Variants in IMMP2L observed in about 807,000 individuals in gnomAD.
The protein encoded by IMMP2L is mitochondrial inner membrane protease subunit 2.
IMMP2L carries 18 observed loss-of-function variants against 19.3 expected under a neutral mutation model. The ratio of observed to expected loss-of-function variants is 0.93; its 90% CI spans 0.64 to 1.38. The LOEUF (loss-of-function observed/expected upper bound fraction) is 1.38, where lower values mean the gene tolerates loss of function less well. Ranked by LOEUF, IMMP2L falls within the 40% of genes most tolerant of loss-of-function variation. IMMP2L has a pLI of 0.00. For synonymous variants in IMMP2L, 76 were observed against 73.0 expected (o/e 1.04, Z -0.21); for missense variants, 233 against 218.2 (o/e 1.07, Z -0.43).
intron 3 of IMMP2L, among the ~76,000 whole-genome samples, chr7:111,110,616 GTATAAATATCAAACA>G (rs1799090369): frequency 6.6e-6 from 1 of 152,018 alleles, no homozygotes; most frequent in South Asian, 2.1e-4. Context: ...AAAAACATAA[GTATAAATATCAAACA>G]TATAAGTATA....
intron 3 of IMMP2L, among the ~76,000 whole-genome samples, chr7:111,160,985 A>G (rs994845064): frequency 9.2e-5 from 14 of 151,654 alleles, no homozygotes; most frequent in Non-Finnish European, 1.9e-4. Flanking sequence ...CAATAAGTTG[A>G]AAAAATGTCA....
intron 5 of IMMP2L, among the ~76,000 whole-genome samples, chr7:110,698,836 A>C (rs1794063197): frequency 6.6e-6 from 1 of 152,236 alleles, no homozygotes; most frequent in African/African-American, 2.4e-5. Flanking sequence ...TAAATATTAA[A>C]GTACAGAAAG....
intron 4 of IMMP2L, among the ~76,000 whole-genome samples, chr7:110,930,252 T>C (rs1815320249): frequency 1.3e-5 from 2 of 152,172 alleles, no homozygotes; most frequent in Non-Finnish European, 2.9e-5. Context: ...CACCAAGTTA[T>C]TCCACCAAGG....
intron 5 of IMMP2L, among the ~76,000 whole-genome samples, chr7:110,809,860 A>C (rs1801903831): frequency 1.3e-5 from 2 of 152,054 alleles, no homozygotes; most frequent in African/African-American, 4.8e-5. Context: ...ATAATCTAAG[A>C]ATATAAAATA....
At position 111,010,197 on chromosome 7, in the gene IMMP2L, T is replaced by G. The variant is rs149305774; in HGVS notation, c.240-46632A>C. ...TTGGCATATCATTCTGCTTCCTTTC[T>G]TAGTTATATCTCATTTCTAATACAT... On this transcript the variant is annotated intron_variant, in intron 3 of 5. Transcript: ENST00000405709. 3.3e-5 allele frequency among the ~76,000 whole-genome samples: 5 copies of G among 152,300 alleles called. No homozygotes were observed. In the East Asian group the frequency reaches 9.6e-4, roughly 29 times the overall value.
intron 3 of IMMP2L, among the ~76,000 whole-genome samples, chr7:111,066,099 C>T (rs1203277196): frequency 1.3e-5 from 2 of 151,704 alleles, no homozygotes; most frequent in Admixed American, 1.3e-4. Context: ...CTACCGCAGC[C>T]TCCTGAATAG....
chr7:110,815,697 G>A (rs929025017), intron 5 of IMMP2L, among the ~76,000 whole-genome samples: 8 of 152,078 alleles, frequency 5.3e-5, no homozygotes, highest in Non-Finnish European at 1.2e-4. Context: ...AGTCTTGGGA[G>A]GGTGTATGTG....
At chr7:111,204,687 T>G (rs890925890) in intron 3 of IMMP2L, among the ~76,000 whole-genome samples, 1 of 152,190 alleles carries the variant, frequency 6.6e-6, no homozygotes, top group African/African-American at 2.4e-5. Flanking sequence ...TTGAGTACTT[T>G]CATATAAGAA....
At chr7:111,372,566 G>A (rs11980148) in intron 3 of IMMP2L, among the ~76,000 whole-genome samples, 3,281 of 151,918 alleles carry the variant, frequency 0.022, 123 homozygotes, top group African/African-American at 0.075. Flanking sequence ...CTGACTGCCT[G>A]TAAACATTCA....
At position 111,492,774 on chromosome 7, in the gene IMMP2L, T is replaced by C. The variant is rs564994987; in HGVS notation, c.136-5433A>G. Among the ~76,000 whole-genome samples the C allele has an allele frequency of 9.2e-5, 14 of 152,330 alleles. 1 individual carries two copies. The highest frequency in any genetic ancestry group is 3.1e-4 in the African/African-American group (13 of 41,590). On this transcript the variant is annotated intron_variant, in intron 2 of 5. Transcript: ENST00000405709. ...TAACTTCCAATAGTGAAGTAAGTAT[T>C]AGAATCAACAGTCAACACCTGAATG...
intron 2 of IMMP2L, among the ~76,000 whole-genome samples, chr7:111,490,960 C>T (rs1471929146): frequency 1.3e-5 from 2 of 151,974 alleles, no homozygotes; most frequent in East Asian, 1.9e-4. Flanking sequence ...AAAAGTTACA[C>T]TGAGTGTGCC....
intron 3 of IMMP2L, among the ~76,000 whole-genome samples, chr7:111,033,605 T>C (rs1357249285): frequency 6.6e-6 from 1 of 152,138 alleles, no homozygotes; most frequent in Non-Finnish European, 1.5e-5. Flanking sequence ...CTGTGATACA[T>C]CCATACAACA....
chr7:110,687,391 C>T (rs1286726878), intron 5 of IMMP2L, among the ~76,000 whole-genome samples: 1 of 152,040 alleles, frequency 6.6e-6, no homozygotes, highest in Admixed American at 6.6e-5. Flanking sequence ...ATGCAGAATC[C>T]ATGTCTAAGT....
intron 3 of IMMP2L, among the ~76,000 whole-genome samples, chr7:110,993,478 A>G (rs993014443): frequency 6.6e-6 from 1 of 151,858 alleles, no homozygotes; most frequent in Non-Finnish European, 1.5e-5. Flanking sequence ...GATTTCTTCT[A>G]TGTAGTTGCT....
chr7:111,072,256 C>A (rs1424874744), intron 3 of IMMP2L, among the ~76,000 whole-genome samples: 3 of 152,158 alleles, frequency 2.0e-5, no homozygotes, highest in African/African-American at 7.2e-5. Context: ...AGGCAAGAAT[C>A]ATTGGTGACT....
intron 3 of IMMP2L, among the ~76,000 whole-genome samples, chr7:110,972,411 C>T (rs1465211157): frequency 1.3e-5 from 2 of 152,006 alleles, no homozygotes; most frequent in Non-Finnish European, 2.9e-5. Context: ...TAAATATCTC[C>T]TATTCTTAAT....
At chr7:110,786,117 C>T (rs1460719592) in intron 5 of IMMP2L, among the ~76,000 whole-genome samples, 1 of 151,828 alleles carries the variant, frequency 6.6e-6, no homozygotes, top group Non-Finnish European at 1.5e-5. Context: ...AGTCTTTTAA[C>T]TAACATGTTT....
At chr7:111,559,272 G>T (rs547906265) in intron 1 of IMMP2L, among the ~76,000 whole-genome samples, 1 of 152,078 alleles carries the variant, frequency 6.6e-6, no homozygotes, top group Non-Finnish European at 1.5e-5. Flanking sequence ...TAAATACACA[G>T]CTAAGCTGTA....
intron 5 of IMMP2L, among the ~76,000 whole-genome samples, chr7:110,706,757 G>A (rs549854011): frequency 4.9e-4 from 75 of 152,106 alleles, no homozygotes; most frequent in Middle Eastern, 3.4e-3. Context: ...TCTTTGTCAG[G>A]TGCATAGGTT....
Sources: gnomAD v4.1 joint callset for allele counts (sites outside exome capture counted in the v4.1 genomes callset) on GRCh38, gnomAD v4.1.1 for gene constraint, MANE v1.5 for transcripts, NCBI Gene and HGNC (gene_info 2026-07-23, HGNC 2026-07-21) for gene names.